The following CHD6 variants were observed in gnomAD, a reference collection of about 807,000 sequenced individuals.
CHD6 encodes chromodomain helicase DNA binding protein 6.
In CHD6, 50 loss-of-function variants were observed where a neutral mutation model predicts 276.9. That is an observed-to-expected ratio of 0.18 (90% CI 0.14 to 0.23). The LOEUF (loss-of-function observed/expected upper bound fraction) is 0.23, where lower values mean the gene tolerates loss of function less well. CHD6 is among the 10% of genes least tolerant of loss of function. The pLI, the probability that CHD6 is intolerant of heterozygous loss-of-function variation, is 1.00. For missense variants in CHD6, 2,564 were observed against 3,365.8 expected (o/e 0.76, Z 5.89); for synonymous variants, 1,173 against 1,229.3 (o/e 0.95, Z 0.96).
chr20:41,501,523 T>G (rs985816859), intron 5 of CHD6, among the ~76,000 whole-genome samples: 4 of 152,202 alleles, frequency 2.6e-5, no homozygotes, highest in Non-Finnish European at 5.9e-5. Context: ...TTTAACACTG[T>G]GAAGTATTTT....
At chr20:41,567,619 G>C (rs73613211) in intron 1 of CHD6, among the ~76,000 whole-genome samples, 3,339 of 151,958 alleles carry the variant, frequency 0.022, 43 homozygotes, top group South Asian at 0.039. Context: ...AAAAAAAAAA[G>C]GGGGTGAGCA....
intron 1 of CHD6, among the ~76,000 whole-genome samples, chr20:41,591,375 T>TAC (rs1391046913): frequency 8.3e-6 from 1 of 121,064 alleles, no homozygotes. Context: ...CATATATATA[T>TAC]ATATACACAC....
Position 41,403,766 on chromosome 20 carries a change from T to A in CHD6, c.*827A>T. 1 of 1,058,070 alleles carries A rather than the reference T, an allele frequency of 9.5e-7. No individual in the cohort carries two copies. Among genetic ancestry groups the A allele is most frequent in the Non-Finnish European group, 1.1e-6 (1 of 874,774 alleles). The allele number at this position is 1,058,070 out of a possible 1,614,324, so 65.5% of individuals were successfully genotyped here. A position where few individuals can be genotyped will look rare whatever the true frequency, so the allele number is the denominator to read the frequency against. ...TAGAGAAATCTGTAAGCGAACCAGG[T>A]GAGAGCAGAGCGCTAGCCGTGTGCT... is the stretch of plus-strand genomic sequence containing the variant. On this transcript the variant is annotated 3_prime_UTR_variant, in exon 37 of 37. Coordinates refer to ENST00000373233, the MANE Select transcript of CHD6 (RefSeq NM_032221.5).
At chr20:41,546,899 C>T (rs867548141) in intron 2 of CHD6, among the ~76,000 whole-genome samples, 7 of 152,188 alleles carry the variant, frequency 4.6e-5, no homozygotes, top group East Asian at 1.9e-4. Flanking sequence ...ATCTCTAAAC[C>T]CTTTATTCTG....
chr20:41,517,826 G>A, intron 3 of CHD6, among the ~76,000 whole-genome samples: 1 of 152,216 alleles, frequency 6.6e-6, no homozygotes, highest in Non-Finnish European at 1.5e-5. Context: ...CAGGGCAGAG[G>A]CTTACGCTCA....
intron 29 of CHD6, 149 bp downstream of exon 29, chr20:41,425,029 C>A (rs2047316207): frequency 3.1e-6 from 2 of 648,982 alleles, no homozygotes; most frequent in African/African-American, 3.6e-5. Flanking sequence ...GATACCATCA[C>A]AACTGAAGGC....
At chr20:41,614,488 C>T (rs1261796540) in intron 1 of CHD6, among the ~76,000 whole-genome samples, 1 of 152,016 alleles carries the variant, frequency 6.6e-6, no homozygotes, top group Non-Finnish European at 1.5e-5. Context: ...TCATATACAC[C>T]CCATTACAAA....
chr20:41,406,970 G>A (rs1409341432), intron 36 of CHD6, among the ~76,000 whole-genome samples: 1 of 152,220 alleles, frequency 6.6e-6, no homozygotes, highest in Non-Finnish European at 1.5e-5. Flanking sequence ...AGTCAGTGCT[G>A]TTTTATCCCC....
In CHD6 at chr20:41,606,878, T is replaced by C. The variant is rs189476429; in HGVS notation, c.-24+11462A>G. On this transcript the variant is annotated intron_variant, in intron 1 of 36. Coordinates refer to ENST00000373233, the MANE Select transcript of CHD6 (RefSeq NM_032221.5). ...TGTAGCCTGGGTACTGGTATTTTTA[T>C]AAGCTCTTCAGATGATTCTAATACA... 6.8e-4 allele frequency among the ~76,000 whole-genome samples: 104 copies of C among 152,298 alleles called. 1 individual carries two copies. The highest frequency in any genetic ancestry group is 2.4e-3 in the African/African-American group (99 of 41,564).
chr20:41,461,459 C>T (rs1202119084), intron 17 of CHD6, among the ~76,000 whole-genome samples: 1 of 152,126 alleles, frequency 6.6e-6, no homozygotes, highest in Non-Finnish European at 1.5e-5. Flanking sequence ...CTGGTCTTTT[C>T]CATGCAATTC....
At chr20:41,505,418 C>A (rs932030654) in intron 5 of CHD6, among the ~76,000 whole-genome samples, 3 of 152,068 alleles carry the variant, frequency 2.0e-5, no homozygotes, top group African/African-American at 7.2e-5. Context: ...CAATCCCCAC[C>A]AGGGTCAGAT....
At chr20:41,426,289 G>A in intron 27 of CHD6, 136 bp from the exon 28 acceptor site, 1 of 722,426 alleles carries the variant, frequency 1.4e-6, no homozygotes, top group South Asian at 1.5e-5. Context: ...ACCAAGATAG[G>A]ACCTGATAAA....
At chr20:41,465,446 C>T (rs148713811) in intron 17 of CHD6, among the ~76,000 whole-genome samples, 68 of 152,196 alleles carry the variant, frequency 4.5e-4, no homozygotes, top group African/African-American at 1.5e-3. Context: ...GAGAACAGTC[C>T]ACAAAACAAC....
chr20:41,524,226 C>A (rs1003709482), intron 3 of CHD6, among the ~76,000 whole-genome samples: 1 of 152,106 alleles, frequency 6.6e-6, no homozygotes, highest in Non-Finnish European at 1.5e-5. Flanking sequence ...TTCCATAATA[C>A]CGGTATTAAC....
At chr20:41,408,672 G>A (rs376419449) in intron 36 of CHD6, among the ~76,000 whole-genome samples, 1 of 152,084 alleles carries the variant, frequency 6.6e-6, no homozygotes, top group African/African-American at 2.4e-5. Flanking sequence ...ACCCACAACC[G>A]AGAGGCAGAG....
At position 41,484,346 on chromosome 20, in the gene CHD6, A is replaced by G. The variant is rs554901336; in HGVS notation, c.2257+6T>C. 6 of 1,613,506 alleles carry G rather than the reference A, an allele frequency of 3.7e-6. No homozygotes were observed. In the South Asian group the frequency reaches 6.6e-5, roughly 18 times the overall value. ...CCTGAGTTACTTCCTAGTGCCCCTG[A>G]CTCACCATTGATCAGGTAGGGATGG... is the stretch of plus-strand genomic sequence containing the variant. On this transcript the variant is annotated splice_donor_region_variant and intron_variant, in intron 15 of 36. Transcript: ENST00000373233.
chr20:41,413,270 A>T, intron 35 of CHD6, 54 bp downstream of exon 35: 12 of 1,400,992 alleles, frequency 8.6e-6, no homozygotes, highest in Non-Finnish European at 1.1e-5. Flanking sequence ...CAAAAATAGC[A>T]ACAAGTCAGC....
intron 23 of CHD6, among the ~76,000 whole-genome samples, chr20:41,449,797 G>A (rs986963254): frequency 1.1e-4 from 17 of 152,142 alleles, no homozygotes; most frequent in Admixed American, 1.3e-4. Flanking sequence ...TCAGCATCTA[G>A]ATCAGGAAGC....
chr20:41,488,544 G>A lies in CHD6; in HGVS notation c.1741C>T (p.Leu581=). 1 of 1,613,922 alleles carries A rather than the reference G, an allele frequency of 6.2e-7. No individual in the cohort carries two copies. Residue 581 remains leucine, a synonymous_variant, in exon 13 of 37, where the codon CTA becomes TTA. Coordinates refer to ENST00000373233, the MANE Select transcript of CHD6 (RefSeq NM_032221.5). ...TTCTTCAACTCTGGGCAGTCTGCTA[G>A]GATCATTTCAAATGTTGTGATGACG... ...HVVITTFEMI[L]ADCPELKKIH...
Sources: allele counts gnomAD v4.1 joint callset (sites outside exome capture counted in the v4.1 genomes callset), GRCh38; gene constraint gnomAD v4.1.1; transcripts MANE v1.5; gene names NCBI Gene and HGNC (gene_info 2026-07-23, HGNC 2026-07-21).